Variants in IQCM observed in about 807,000 individuals in gnomAD.
IQCM encodes the protein IQ motif containing M, also known as IQ domain-containing protein M.
Under a neutral mutation model 57.6 loss-of-function variants are expected in IQCM, and 45 were observed. The observed-to-expected ratio is 0.78, with a 90% CI of 0.62 to 1.00. IQCM has a LOEUF of 1.00. Among genes scored for constraint, IQCM ranks in the 50% least tolerant of loss-of-function variants. IQCM has a pLI of 0.00. For missense variants in IQCM, 468 were observed against 511.6 expected (o/e 0.91, Z 0.82); for synonymous variants, 148 against 158.9 (o/e 0.93, Z 0.51).
At chr4:149,737,004 A>T (rs1048827817) in intron 3 of IQCM, among the ~76,000 whole-genome samples, 2 of 152,220 alleles carry the variant, frequency 1.3e-5, no homozygotes, top group Admixed American at 1.3e-4. Context: ...ACTTAGCAAT[A>T]AAAAGAGGTA....
At chr4:149,731,838 T>A (rs1289763216) in intron 5 of IQCM, among the ~76,000 whole-genome samples, 1 of 151,766 alleles carries the variant, frequency 6.6e-6, no homozygotes, top group Non-Finnish European at 1.5e-5. Flanking sequence ...TCAATACGAA[T>A]CTCCAATAAG....
At chr4:149,617,938 A>G (rs1176682328) in intron 8 of IQCM, among the ~76,000 whole-genome samples, 1 of 152,218 alleles carries the variant, frequency 6.6e-6, no homozygotes, top group Non-Finnish European at 1.5e-5. Context: ...TGCCCAAGGC[A>G]ATGTCTAGAT....
intron 12 of IQCM, among the ~76,000 whole-genome samples, chr4:149,530,193 T>C (rs973908912): frequency 1.6e-4 from 25 of 152,292 alleles, no homozygotes; most frequent in African/African-American, 6.0e-4. Context: ...GTTTTCTTCA[T>C]AGAACTTATC....
At chr4:149,393,546 A>G (rs1732013517) in intron 13 of IQCM, among the ~76,000 whole-genome samples, 1 of 151,986 alleles carries the variant, frequency 6.6e-6, no homozygotes, top group Non-Finnish European at 1.5e-5. Context: ...AAGATTCTCA[A>G]ATCCCAAATA....
At chr4:149,499,579 G>A (rs922811789) in intron 12 of IQCM, among the ~76,000 whole-genome samples, 3 of 151,958 alleles carry the variant, frequency 2.0e-5, no homozygotes, top group African/African-American at 2.4e-5. Context: ...TTACCTCAGC[G>A]AAGCAAAAAT....
chr4:149,683,038 C>G (rs530929217), intron 6 of IQCM, among the ~76,000 whole-genome samples: 1 of 151,260 alleles, frequency 6.6e-6, no homozygotes, highest in South Asian at 2.1e-4. Flanking sequence ...TTATTTTGCA[C>G]TAATATATCA....
intron 5 of IQCM, among the ~76,000 whole-genome samples, chr4:149,690,420 G>T (rs1416175611): frequency 6.6e-6 from 1 of 151,872 alleles, no homozygotes; most frequent in Non-Finnish European, 1.5e-5. Flanking sequence ...TGGGGACTTG[G>T]GGGGAAAGGT....
chr4:149,388,011 C>T (rs147149881), intron 13 of IQCM, among the ~76,000 whole-genome samples: 63 of 152,146 alleles, frequency 4.1e-4, no homozygotes, highest in Middle Eastern at 3.4e-3. Flanking sequence ...AAGCATGCAT[C>T]AATACTCCAT....
At chr4:149,677,145 T>C (rs1761822776) in intron 7 of IQCM, among the ~76,000 whole-genome samples, 1 of 152,072 alleles carries the variant, frequency 6.6e-6, no homozygotes, top group African/African-American at 2.4e-5. Context: ...ATTCACCATC[T>C]TGGGTTCTCT....
chr4:149,716,240 T>C (rs983218221), intron 5 of IQCM, among the ~76,000 whole-genome samples: 4 of 152,226 alleles, frequency 2.6e-5, no homozygotes, highest in African/African-American at 7.2e-5. Context: ...CGTCCCATGC[T>C]TGTTGGTGCC....
intron 5 of IQCM, among the ~76,000 whole-genome samples, chr4:149,721,787 C>T (rs540793209): frequency 6.6e-6 from 1 of 152,022 alleles, no homozygotes; most frequent in Non-Finnish European, 1.5e-5. Flanking sequence ...AAAATGACTT[C>T]TTTTCCTTTG....
At chr4:149,381,488 C>T (rs535141711) in intron 13 of IQCM, among the ~76,000 whole-genome samples, 55 of 152,158 alleles carry the variant, frequency 3.6e-4, no homozygotes, top group Non-Finnish European at 4.0e-4. Context: ...ATTACGTAGG[C>T]GTCTCAGCTC....
intron 7 of IQCM, among the ~76,000 whole-genome samples, chr4:149,642,005 A>C (rs1399226407): frequency 6.6e-6 from 1 of 152,194 alleles, no homozygotes; most frequent in East Asian, 1.9e-4. Context: ...ATCTGTGGAC[A>C]AAGTTAAATC....
intron 12 of IQCM, among the ~76,000 whole-genome samples, chr4:149,461,075 A>G (rs1028169265): frequency 6.6e-6 from 1 of 152,012 alleles, no homozygotes; most frequent in Non-Finnish European, 1.5e-5. Flanking sequence ...TCTCTACTAA[A>G]AATACAAAAT....
chr4:149,500,134 C>A (rs1228907841), intron 12 of IQCM, among the ~76,000 whole-genome samples: 1 of 152,072 alleles, frequency 6.6e-6, no homozygotes, highest in Non-Finnish European at 1.5e-5. Flanking sequence ...GTTCAATGAC[C>A]TTTCATTTAG....
chr4:149,628,633 C>A (rs1441656315), intron 7 of IQCM, among the ~76,000 whole-genome samples: 1 of 152,112 alleles, frequency 6.6e-6, no homozygotes, highest in Non-Finnish European at 1.5e-5. Context: ...AGAAAACATA[C>A]TATGTAATAA....
At chr4:149,542,947 A>C (rs1748003236) in intron 12 of IQCM, among the ~76,000 whole-genome samples, 1 of 152,126 alleles carries the variant, frequency 6.6e-6, no homozygotes, top group South Asian at 2.1e-4. Context: ...AAAGTGGTAG[A>C]GCAGGGAATT....
Position 149,508,984 on chromosome 4 carries a change from C to A in IQCM, c.1228+39471G>T, listed in dbSNP as rs769814317. Among the ~76,000 whole-genome samples the A allele has an allele frequency of 4.4e-4, 67 of 152,196 alleles. 1 individual carries two copies. The highest frequency in any genetic ancestry group is 1.3e-4 in the Non-Finnish European group (9 of 68,028). On this transcript the variant is annotated intron_variant, in intron 12 of 13. Coordinates refer to ENST00000636793, the MANE Select transcript of IQCM (RefSeq NM_001363507.2). ...GGAGTTTCCCTGCACAAACTCTCTTCTCTTGTCTGCTGCCATGTGAGATGT... is the reference window on the plus strand; with the variant it reads ...GGAGTTTCCCTGCACAAACTCTCTTATCTTGTCTGCTGCCATGTGAGATGT...
intron 12 of IQCM, among the ~76,000 whole-genome samples, chr4:149,481,677 A>G (rs940628893): frequency 7.2e-5 from 2 of 27,724 alleles, no homozygotes; most frequent in African/African-American, 2.7e-4. Context: ...TTTTGAAGTC[A>G]TGTAATGTGA....
Sources: gnomAD v4.1 joint callset for allele counts (sites outside exome capture counted in the v4.1 genomes callset) on GRCh38, gnomAD v4.1.1 for gene constraint, MANE v1.5 for transcripts, NCBI Gene and HGNC (gene_info 2026-07-23, HGNC 2026-07-21) for gene names.